The following UHRF2 variants were observed in gnomAD, a reference collection of about 807,000 sequenced individuals.
UHRF2 encodes the protein ubiquitin like with PHD and ring finger domains 2.
UHRF2 carries 23 observed loss-of-function variants against 96.8 expected under a neutral mutation model. The ratio of observed to expected loss-of-function variants is 0.24; its 90% CI spans 0.17 to 0.34. The LOEUF (loss-of-function observed/expected upper bound fraction) is 0.34, where lower values mean the gene tolerates loss of function less well. Ranked by LOEUF, UHRF2 falls within the 10% of genes least tolerant of loss-of-function variation. The pLI is 1.00. For missense variants in UHRF2, 685 were observed against 981.5 expected (o/e 0.70, Z 4.04); for synonymous variants, 385 against 332.6 (o/e 1.16, Z -1.72).
intron 6 of UHRF2, among the ~76,000 whole-genome samples, chr9:6,480,191 A>G (rs1040333549): frequency 3.3e-5 from 5 of 152,152 alleles, no homozygotes; most frequent in African/African-American, 1.2e-4. Flanking sequence ...CTTTGCACTT[A>G]ACTGTTTCTT....
chr9:6,448,338 T>G (rs532517265), intron 3 of UHRF2, among the ~76,000 whole-genome samples: 2 of 152,246 alleles, frequency 1.3e-5, no homozygotes, highest in South Asian at 4.1e-4. Flanking sequence ...TCATTACTTA[T>G]CTGTGAATAC....
intron 3 of UHRF2, among the ~76,000 whole-genome samples, chr9:6,435,140 C>T (rs557546024): frequency 2.6e-5 from 4 of 152,054 alleles, no homozygotes; most frequent in Non-Finnish European, 2.9e-5. Flanking sequence ...ATTAGAGGCG[C>T]GCACCACCAC....
chr9:6,455,138 GT>G (rs1822102422), intron 3 of UHRF2, among the ~76,000 whole-genome samples: 1 of 151,862 alleles, frequency 6.6e-6, no homozygotes, highest in Non-Finnish European at 1.5e-5. Flanking sequence ...TTTTTTGTTT[GT>G]TTGTTTGTTT....
At chr9:6,462,206 G>A (rs1239242185) in intron 4 of UHRF2, among the ~76,000 whole-genome samples, 2 of 151,942 alleles carry the variant, frequency 1.3e-5, no homozygotes, top group Admixed American at 1.3e-4. Context: ...ATTATCTGTG[G>A]CTATTTTTGT....
intron 4 of UHRF2, among the ~76,000 whole-genome samples, chr9:6,466,786 T>TG (rs1385101521): frequency 1.3e-5 from 2 of 152,226 alleles, no homozygotes; most frequent in Non-Finnish European, 2.9e-5. Context: ...CACGCAAACA[T>TG]GCTCCTGCCT....
At chr9:6,493,775 G>C (rs1345722375) in intron 9 of UHRF2, 51 bp from the exon 10 acceptor site, 4 of 1,468,518 alleles carry the variant, frequency 2.7e-6, no homozygotes, top group Non-Finnish European at 3.7e-6. Context: ...AAGAATTGAT[G>C]AAATTATACT....
Position 6,463,523 on chromosome 9 carries a change from A to T in UHRF2, c.863+2732A>T, listed in dbSNP as rs1822680059. 2.7e-5 allele frequency among the ~76,000 whole-genome samples: 4 copies of T among 150,380 alleles called. No homozygotes were observed. The South Asian group carries it at 8.4e-4, about 31-fold the overall frequency. On this transcript the variant is annotated intron_variant, in intron 4 of 15. Transcript: ENST00000276893. ...TCTCGCTCTGTTGCCCAGGCTGCAT[A>T]GCAGTGGCACAATCCCGGCTCACTG...
chr9:6,437,058 T>C (rs190678978), intron 3 of UHRF2, among the ~76,000 whole-genome samples: 1 of 152,306 alleles, frequency 6.6e-6, no homozygotes, highest in African/African-American at 2.4e-5. Flanking sequence ...CCGATATGGT[T>C]GTGATACAAA....
chr9:6,456,923 G>C lies in UHRF2; in HGVS notation c.645-3650G>C, dbSNP rs544068104. On this transcript the variant is annotated intron_variant, in intron 3 of 15. Coordinates refer to ENST00000276893, the MANE Select transcript of UHRF2 (RefSeq NM_152896.3). Reference sequence around the variant, plus strand: ...GTTTTGGTTACTGTAGCCTTGTATAGTTTGAAGTCAGGTAGCATGATGCCA... The same window carrying C: ...GTTTTGGTTACTGTAGCCTTGTATACTTTGAAGTCAGGTAGCATGATGCCA... Among the ~76,000 whole-genome samples, 46 of 152,238 alleles carry C rather than the reference G, an allele frequency of 3.0e-4. No individual in the cohort carries two copies. The South Asian group carries it at 9.6e-3, about 32-fold the overall frequency.
chr9:6,442,574 G>C (rs1015149997), intron 3 of UHRF2, among the ~76,000 whole-genome samples: 4 of 152,056 alleles, frequency 2.6e-5, no homozygotes, highest in African/African-American at 9.7e-5. Flanking sequence ...GACTTTCTGG[G>C]CTGAAGTGAT....
chr9:6,446,089 C>T (rs1821485055), intron 3 of UHRF2, among the ~76,000 whole-genome samples: 1 of 148,980 alleles, frequency 6.7e-6, no homozygotes, highest in South Asian at 2.1e-4. Flanking sequence ...ACTTCCCTGG[C>T]TCAGGTGATC....
intron 2 of UHRF2, among the ~76,000 whole-genome samples, chr9:6,433,118 G>A (rs1206016666): frequency 1.3e-5 from 2 of 152,204 alleles, no homozygotes; most frequent in African/African-American, 4.8e-5. Flanking sequence ...TACAGTGTGA[G>A]CCACCATGCC....
At chr9:6,417,948 C>G (rs955329493) in intron 1 of UHRF2, among the ~76,000 whole-genome samples, 1 of 152,202 alleles carries the variant, frequency 6.6e-6, no homozygotes, top group South Asian at 2.1e-4. Context: ...AATGTTCTTT[C>G]AATTTCCAGC....
intron 10 of UHRF2, chr9:6,496,886 CGTTATTTAA>C: frequency 4.9e-6 from 1 of 204,290 alleles, no homozygotes; most frequent in Non-Finnish European, 9.8e-6. Context: ...CCCCAACAAA[CGTTATTTAA>C]AGAAAAATTC....
rs183966381 is a variant in UHRF2, at chr9:6,497,944, A to C, written c.1768-74A>C. On this transcript the variant is annotated intron_variant, in intron 11 of 15. Coordinates refer to ENST00000276893, the MANE Select transcript of UHRF2 (RefSeq NM_152896.3). The stretch of plus-strand genomic sequence containing the variant: ...GTTGCATTTAGTTCTGGCAAAGATT[A>C]TTTTGATACCACTAATGTGATGAAT... 1.5e-5 allele frequency: 23 copies of C among 1,549,178 alleles called. No individual in the cohort carries two copies. The African/African-American group carries it at 2.6e-4, about 18-fold the overall frequency.
At chr9:6,451,102 T>G (rs899886179) in intron 3 of UHRF2, among the ~76,000 whole-genome samples, 10 of 152,240 alleles carry the variant, frequency 6.6e-5, no homozygotes, top group African/African-American at 2.4e-4. Flanking sequence ...TATCACTGAT[T>G]TGCTTTATCC....
intron 1 of UHRF2, 54 bp downstream of exon 1, chr9:6,413,697 T>A (rs1819422369): frequency 6.9e-7 from 1 of 1,453,006 alleles, no homozygotes. Context: ...ACAGCTGGGC[T>A]CCTCTGGACG....
rs58561913 is a variant in UHRF2 at position 6,431,538 on chromosome 9, A to G, written c.385-2376A>G. Among the ~76,000 whole-genome samples the G allele has an allele frequency of 2.3e-3, 354 of 152,194 alleles. 9 individuals are homozygous for G. The East Asian group carries it at 0.06, about 26-fold the overall frequency. On this transcript the variant is annotated intron_variant, in intron 2 of 15. Coordinates refer to ENST00000276893, the MANE Select transcript of UHRF2 (RefSeq NM_152896.3). ...GAGTAGGAGGCTGCGGAGAGCTGTG[A>G]TCACACCACTGCATCCAGCCTGGGC... is the stretch of plus-strand genomic sequence containing the variant.
In UHRF2 at chr9:6,414,328, A is replaced by G. The variant is rs373696542; in HGVS notation, c.153+685A>G. Among the ~76,000 whole-genome samples the G allele has an allele frequency of 3.3e-5, 5 of 152,210 alleles. No homozygotes were observed. In the South Asian group the frequency reaches 6.2e-4, roughly 19 times the overall value. ...GGGGCCGGGTTTACGAATGCCCTAT[A>G]TAAGCCAAGAGTTTTATTCCCGAAG... On this transcript the variant is annotated intron_variant, in intron 1 of 15. Transcript: ENST00000276893.
Sources: gnomAD v4.1 joint callset for allele counts (sites outside exome capture counted in the v4.1 genomes callset) on GRCh38, gnomAD v4.1.1 for gene constraint, MANE v1.5 for transcripts, NCBI Gene and HGNC (gene_info 2026-07-23, HGNC 2026-07-21) for gene names.